The following SLCO1B1 variants were observed in gnomAD, a reference collection of about 807,000 sequenced individuals.
SLCO1B1 encodes OATP-2.
SLCO1B1 carries 81 observed loss-of-function variants against 70.1 expected under a neutral mutation model. The observed-to-expected ratio is 1.16, with a 90% confidence interval of 0.97 to 1.39. The LOEUF (loss-of-function observed/expected upper bound fraction) is 1.39. Ranked by LOEUF, SLCO1B1 falls within the 40% of genes most tolerant of loss-of-function variation. SLCO1B1 has a pLI of 0.00. For synonymous variants in SLCO1B1, 283 were observed against 271.5 expected (o/e 1.04, Z -0.42); for missense variants, 895 against 799.6 (o/e 1.12, Z -1.44).
chr12:21,165,742 A>G (rs1940675936), intron 2 of SLCO1B1, among the ~76,000 whole-genome samples: 1 of 152,128 alleles, frequency 6.6e-6, no homozygotes, highest in Non-Finnish European at 1.5e-5. Context: ...TCCATGTGAG[A>G]ATACAAAGAG....
At chr12:21,133,190 A>G (rs1450320086) in intron 1 of SLCO1B1, among the ~76,000 whole-genome samples, 2 of 152,082 alleles carry the variant, frequency 1.3e-5, no homozygotes, top group African/African-American at 4.8e-5. Context: ...CCATTGGTCT[A>G]TATCTCTGTT....
intron 2 of SLCO1B1, among the ~76,000 whole-genome samples, chr12:21,147,696 G>A (rs1188229044): frequency 6.6e-6 from 1 of 152,092 alleles, no homozygotes; most frequent in African/African-American, 2.4e-5. Flanking sequence ...TGGGCATTTG[G>A]GTTGGTTCCA....
chr12:21,191,370 A>T (rs1941027326), intron 7 of SLCO1B1, among the ~76,000 whole-genome samples: 1 of 145,692 alleles, frequency 6.9e-6, no homozygotes, highest in African/African-American at 2.4e-5. Context: ...TTTGTGTTTT[A>T]TTCTTTATGA....
At chr12:21,186,335 G>A (rs890535136) in intron 7 of SLCO1B1, among the ~76,000 whole-genome samples, 1 of 151,988 alleles carries the variant, frequency 6.6e-6, no homozygotes, top group South Asian at 2.1e-4. Context: ...TAGTAATAAG[G>A]TTGTGTTGAA....
At chr12:21,144,111 C>A (rs1940350370) in intron 2 of SLCO1B1, among the ~76,000 whole-genome samples, 1 of 152,054 alleles carries the variant, frequency 6.6e-6, no homozygotes, top group South Asian at 2.1e-4. Flanking sequence ...CTTGTCATTT[C>A]TTCTCTTCAA....
At chr12:21,152,483 G>A (rs948657979) in intron 2 of SLCO1B1, among the ~76,000 whole-genome samples, 2 of 126,488 alleles carry the variant, frequency 1.6e-5, no homozygotes, top group African/African-American at 5.9e-5. Flanking sequence ...TGTAAAACCT[G>A]CTATACATAG....
At chr12:21,206,724 C>T (rs893697579) in intron 11 of SLCO1B1, among the ~76,000 whole-genome samples, 24 of 151,884 alleles carry the variant, frequency 1.6e-4, no homozygotes, top group Non-Finnish European at 3.1e-4. Context: ...TCCTGGGTAG[C>T]TACCTGTCAC....
intron 10 of SLCO1B1, among the ~76,000 whole-genome samples, chr12:21,204,426 A>G (rs970249584): frequency 6.6e-6 from 1 of 151,778 alleles, no homozygotes; most frequent in African/African-American, 2.4e-5. Context: ...GTACATGTCA[A>G]GAGGTACAAC....
intron 11 of SLCO1B1, among the ~76,000 whole-genome samples, chr12:21,215,534 G>A (rs1445053910): frequency 6.6e-6 from 1 of 152,084 alleles, no homozygotes; most frequent in Non-Finnish European, 1.5e-5. Context: ...AGCCTACTTG[G>A]TCATGATGAA....
intron 2 of SLCO1B1, among the ~76,000 whole-genome samples, chr12:21,161,615 G>A (rs931531162): frequency 2.6e-5 from 4 of 151,944 alleles, no homozygotes; most frequent in African/African-American, 2.4e-5. Context: ...ACAAACCCCC[G>A]TGACACGTGT....
rs750029719 is a variant in SLCO1B1, at chr12:21,197,200, A to G, written c.970+12A>G. 9.9e-6 allele frequency: 16 copies of G among 1,612,200 alleles called. No individual in the cohort carries two copies. The highest frequency in any genetic ancestry group is 1.4e-5 in the Non-Finnish European group (16 of 1,179,030). On this transcript the variant is annotated intron_variant, in intron 8 of 14. Coordinates refer to ENST00000256958, the MANE Select transcript of SLCO1B1 (RefSeq NM_006446.5). ...CAAAAATGTGACTGGTAAGTATTTA[A>G]CATTCATTGTCAATTTGGAGTTGTT...
At chr12:21,237,558 C>T (rs1051522737) in intron 14 of SLCO1B1, among the ~76,000 whole-genome samples, 1 of 152,126 alleles carries the variant, frequency 6.6e-6, no homozygotes, top group African/African-American at 2.4e-5. Flanking sequence ...CACACCTACA[C>T]GTAGTTTTTC....
chr12:21,239,208 T>A lies in SLCO1B1; in HGVS notation c.*19T>A. 1 of 1,534,790 alleles carries A rather than the reference T, an allele frequency of 6.5e-7. No homozygotes were observed. Among genetic ancestry groups the A allele is most frequent in the Middle Eastern group, 1.7e-4 (1 of 5,862 alleles). The stretch of plus-strand genomic sequence containing the variant: ...TTGTTAAGGGGAGAAAAAAAGCCAC[T>A]TCTGCTTCTGTGTTTCCAAACAGCA... On this transcript the variant is annotated 3_prime_UTR_variant, in exon 15 of 15. Transcript: ENST00000256958.
At chr12:21,153,201 G>A (rs990573851) in intron 2 of SLCO1B1, among the ~76,000 whole-genome samples, 2 of 152,020 alleles carry the variant, frequency 1.3e-5, no homozygotes, top group Non-Finnish European at 2.9e-5. Flanking sequence ...TTTTCTTGTT[G>A]TTACTATAAA....
At chr12:21,238,718 T>TAACAAC (rs1941618347) in intron 14 of SLCO1B1, among the ~76,000 whole-genome samples, 1 of 152,100 alleles carries the variant, frequency 6.6e-6, no homozygotes, top group Non-Finnish European at 1.5e-5. Flanking sequence ...CAGGATGGCT[T>TAACAAC]AACAGGGCTT....
intron 2 of SLCO1B1, among the ~76,000 whole-genome samples, chr12:21,155,834 G>T (rs1304665905): frequency 6.6e-6 from 1 of 152,106 alleles, no homozygotes. Flanking sequence ...AAATACTGAG[G>T]GGATTACCTG....
chr12:21,214,887 T>C (rs756471398), intron 11 of SLCO1B1, among the ~76,000 whole-genome samples: 109 of 152,068 alleles, frequency 7.2e-4, no homozygotes, highest in Admixed American at 1.1e-3. Context: ...CCCCTTGCGC[T>C]TCCCAAGCCA....
intron 8 of SLCO1B1, among the ~76,000 whole-genome samples, chr12:21,197,924 T>A (rs1027965897): frequency 2.1e-4 from 32 of 152,014 alleles, no homozygotes; most frequent in African/African-American, 7.7e-4. Flanking sequence ...CCATTGAGAG[T>A]CAATAAACAA....
rs1164011351 is a variant in SLCO1B1, at chr12:21,202,610, T to C, written c.1255T>C (p.Leu419=). 1.2e-6 allele frequency: 2 copies of C among 1,612,972 alleles called. No individual in the cohort carries two copies. The highest frequency in any genetic ancestry group is 1.1e-5 in the South Asian group (1 of 91,058). Residue 419 remains leucine (L), a synonymous_variant, in exon 10 of 15, where the codon TTG becomes CTG. Transcript: ENST00000256958. The part of the protein sequence containing the change: ...KFSCFTAVMS[L]SFYLLYFFIL... Reference sequence around the variant, plus strand: ...CTCATGTTTTACTGCTGTGATGTCATTGTCCTTTTACCTATTATATTTTTT... The same window carrying C: ...CTCATGTTTTACTGCTGTGATGTCACTGTCCTTTTACCTATTATATTTTTT...
Sources: allele counts gnomAD v4.1 joint callset (sites outside exome capture counted in the v4.1 genomes callset), GRCh38; gene constraint gnomAD v4.1.1; transcripts MANE v1.5; gene names NCBI Gene and HGNC (gene_info 2026-07-23, HGNC 2026-07-21).